Variants in KCNT2 observed in about 807,000 individuals in gnomAD.
KCNT2 encodes potassium channel subfamily T member 2.
Under a neutral mutation model 153.8 loss-of-function variants are expected in KCNT2, and 67 were observed. The observed-to-expected ratio is 0.44, with a 90% confidence interval of 0.36 to 0.53. KCNT2 has a LOEUF of 0.53. Among genes scored for constraint, KCNT2 ranks in the 20% least tolerant of loss-of-function variants. The pLI is 0.00. For missense variants in KCNT2, 975 were observed against 1,354.8 expected (o/e 0.72, Z 4.40); for synonymous variants, 500 against 458.8 (o/e 1.09, Z -1.15).
intron 1 of KCNT2, among the ~76,000 whole-genome samples, chr1:196,597,390 G>A (rs4484881): frequency 0.98 from 148,892 of 151,498 alleles, 73,208 homozygotes; most frequent in Middle Eastern, 1. Flanking sequence ...TTTTTCCTAT[G>A]GGATATACCT....
intron 11 of KCNT2, 100 bp from the exon 12 acceptor site, chr1:196,423,213 G>T: frequency 1.5e-6 from 1 of 679,878 alleles, no homozygotes. Flanking sequence ...TGCACAAAAT[G>T]TACATGTAGA....
At chr1:196,512,627 AAG>A (rs977480770) in intron 1 of KCNT2, among the ~76,000 whole-genome samples, 6 of 152,168 alleles carry the variant, frequency 3.9e-5, no homozygotes, top group Non-Finnish European at 8.8e-5. Context: ...AGAGAGAAAA[AAG>A]AAAAAAATGC....
intron 11 of KCNT2, among the ~76,000 whole-genome samples, chr1:196,423,921 T>C (rs1412547485): frequency 1.3e-5 from 2 of 151,916 alleles, no homozygotes; most frequent in Non-Finnish European, 2.9e-5. Flanking sequence ...GAAACTTGTT[T>C]GGAGAATCCT....
chr1:196,326,894 A>G lies in KCNT2; in HGVS notation c.2104-5T>C. 2 of 1,528,130 alleles carry G rather than the reference A, an allele frequency of 1.3e-6. No individual in the cohort carries two copies. Among genetic ancestry groups the G allele is most frequent in the Non-Finnish European group, 1.8e-6 (2 of 1,139,956 alleles). 94.7% of individuals were successfully genotyped at this position (1,528,130 alleles called of 1,614,324 possible). On this transcript the variant is annotated splice_polypyrimidine_tract_variant and splice_region_variant and intron_variant, in intron 18 of 27. Coordinates refer to ENST00000294725, the MANE Select transcript of KCNT2 (RefSeq NM_198503.5). ...ATAGTAGTTATGTTGGCAACTCTAG[A>G]GAAGAGAAAGTATACATTGAAATGC... is the stretch of plus-strand genomic sequence containing the variant.
At chr1:196,525,164 A>G (rs953199401) in intron 1 of KCNT2, among the ~76,000 whole-genome samples, 1 of 152,144 alleles carries the variant, frequency 6.6e-6, no homozygotes, top group Non-Finnish European at 1.5e-5. Context: ...GTGAGGGAAC[A>G]GGTAGAAAAC....
intron 13 of KCNT2, among the ~76,000 whole-genome samples, chr1:196,386,696 C>A (rs556734323): frequency 2.6e-3 from 393 of 152,172 alleles, no homozygotes; most frequent in Non-Finnish European, 4.3e-3. Context: ...ATAGCTACCA[C>A]TTTTTAAATT....
intron 1 of KCNT2, among the ~76,000 whole-genome samples, chr1:196,573,313 T>TGTGTG: frequency 6.6e-6 from 1 of 152,104 alleles, no homozygotes; most frequent in Non-Finnish European, 1.5e-5. Flanking sequence ...TGTGTGTGTG[T>TGTGTG]TTATTCACTT....
At chr1:196,466,898 G>C (rs543824298) in intron 7 of KCNT2, among the ~76,000 whole-genome samples, 3 of 151,852 alleles carry the variant, frequency 2.0e-5, no homozygotes, top group African/African-American at 7.3e-5. Flanking sequence ...CACCAAGCAG[G>C]GTCAGCCTTG....
intron 1 of KCNT2, among the ~76,000 whole-genome samples, chr1:196,552,553 A>G (rs1436407421): frequency 6.6e-6 from 1 of 151,494 alleles, no homozygotes; most frequent in East Asian, 1.9e-4. Context: ...AAAGGATGTT[A>G]ATAAGCAAGA....
chr1:196,447,146 T>C (rs1412720388), intron 8 of KCNT2, among the ~76,000 whole-genome samples: 1 of 151,590 alleles, frequency 6.6e-6, no homozygotes, highest in African/African-American at 2.4e-5. Flanking sequence ...CTCAAATGTA[T>C]GATAAAAACT....
At chr1:196,561,382 T>C (rs566322158) in intron 1 of KCNT2, among the ~76,000 whole-genome samples, 1 of 151,190 alleles carries the variant, frequency 6.6e-6, no homozygotes, top group East Asian at 2.0e-4. Flanking sequence ...GGTAGGAATT[T>C]AGAATAGGGT....
intron 8 of KCNT2, among the ~76,000 whole-genome samples, chr1:196,455,514 T>A (rs1676585872): frequency 6.6e-6 from 1 of 151,986 alleles, no homozygotes. Context: ...CAAAACAGCA[T>A]ACCTTCTTTT....
chr1:196,297,587 G>C (rs1402020345), intron 22 of KCNT2, among the ~76,000 whole-genome samples: 1 of 152,058 alleles, frequency 6.6e-6, no homozygotes, highest in African/African-American at 2.4e-5. Context: ...AACTTTTCTA[G>C]AATAGATTGA....
intron 22 of KCNT2, among the ~76,000 whole-genome samples, chr1:196,303,676 C>A (rs1045511212): frequency 7.2e-5 from 11 of 151,992 alleles, no homozygotes; most frequent in Non-Finnish European, 1.3e-4. Context: ...TTTATAATGA[C>A]CCTACTATTT....
intron 1 of KCNT2, among the ~76,000 whole-genome samples, chr1:196,572,707 T>A (rs1251211112): frequency 2.0e-5 from 3 of 152,042 alleles, no homozygotes. Flanking sequence ...GATAGTAGGT[T>A]AATGTAGACT....
chr1:196,406,029 C>A (rs1350256563), intron 12 of KCNT2, among the ~76,000 whole-genome samples: 1 of 151,478 alleles, frequency 6.6e-6, no homozygotes, highest in Non-Finnish European at 1.5e-5. Context: ...GCCCAGAGAA[C>A]AATTTCTTCA....
chr1:196,423,505 T>C (rs1047968375), intron 11 of KCNT2, among the ~76,000 whole-genome samples: 5 of 151,818 alleles, frequency 3.3e-5, no homozygotes, highest in Non-Finnish European at 7.4e-5. Context: ...ACAGCTCCTC[T>C]GTATTCATAA....
At chr1:196,347,204 G>A (rs61328263) in intron 14 of KCNT2, among the ~76,000 whole-genome samples, 28,564 of 151,888 alleles carry the variant, frequency 0.19, 3,418 homozygotes, top group African/African-American at 0.33. Flanking sequence ...TACCTTTATT[G>A]GTAATGCAGG....
At chr1:196,474,743 G>A (rs1240993792) in intron 5 of KCNT2, among the ~76,000 whole-genome samples, 1 of 152,182 alleles carries the variant, frequency 6.6e-6, no homozygotes, top group African/African-American at 2.4e-5. Context: ...TTTGAAAGCA[G>A]TTGATAAAGA....
Sources: allele counts gnomAD v4.1 joint callset (sites outside exome capture counted in the v4.1 genomes callset), GRCh38; gene constraint gnomAD v4.1.1; transcripts MANE v1.5; gene names NCBI Gene and HGNC (gene_info 2026-07-23, HGNC 2026-07-21).